Variants in HS1BP3 observed in about 807,000 individuals in gnomAD.
The protein encoded by HS1BP3 is HCLS1 binding protein 3.
HS1BP3 carries 32 observed loss-of-function variants against 33.5 expected under a neutral mutation model. The ratio of observed to expected loss-of-function variants is 0.95; its 90% CI spans 0.72 to 1.28. HS1BP3 has a LOEUF of 1.28. HS1BP3 is among the 50% of genes most tolerant of loss of function. The pLI is 0.00. For missense variants in HS1BP3, 486 were observed against 502.3 expected (o/e 0.97, Z 0.31); for synonymous variants, 187 against 209.2 (o/e 0.89, Z 0.92).
chr2:20,558,248 C>T (rs1692887703), downstream of HS1BP3, among the ~76,000 whole-genome samples: 1 of 152,016 alleles, frequency 6.6e-6, no homozygotes, highest in South Asian at 2.1e-4. Flanking sequence ...TGGGCAGCAA[C>T]GTTGACGGTG....
intron 6 of HS1BP3, among the ~76,000 whole-genome samples, chr2:20,621,718 C>T (rs10166284): frequency 0.012 from 1,814 of 152,374 alleles, 50 homozygotes; most frequent in African/African-American, 0.042. Context: ...GATTAGCCTG[C>T]TTGGCAAAGC....
At chr2:20,627,806 G>A (rs574069093) in intron 4 of HS1BP3, among the ~76,000 whole-genome samples, 2 of 152,244 alleles carry the variant, frequency 1.3e-5, no homozygotes, top group African/African-American at 4.8e-5. Flanking sequence ...AAAGCCCCAG[G>A]GTCCTATCCT....
At chr2:20,646,588 T>C (rs537055379) in intron 1 of HS1BP3, among the ~76,000 whole-genome samples, 12 of 152,350 alleles carry the variant, frequency 7.9e-5, no homozygotes, top group Admixed American at 2.0e-4. Flanking sequence ...ACACAAGGAA[T>C]ATCCTCCCGC....
intron 2 of HS1BP3, among the ~76,000 whole-genome samples, chr2:20,610,428 T>G (rs765889654): frequency 6.6e-6 from 1 of 152,220 alleles, no homozygotes; most frequent in Non-Finnish European, 1.5e-5. Flanking sequence ...CTCTGTGGTT[T>G]TGCTTTTTCC....
At chr2:20,632,872 C>T (rs1046497376) in intron 4 of HS1BP3, among the ~76,000 whole-genome samples, 1 of 152,222 alleles carries the variant, frequency 6.6e-6, no homozygotes, top group Non-Finnish European at 1.5e-5. Flanking sequence ...ATAGTGTGCA[C>T]ATCACAGTGA....
chr2:20,633,097 G>T (rs986691881), intron 4 of HS1BP3, among the ~76,000 whole-genome samples: 43 of 152,190 alleles, frequency 2.8e-4, no homozygotes, highest in African/African-American at 9.9e-4. Context: ...GAAAGAAACA[G>T]GCTTGGAGAA....
chr2:20,559,302 T>C (rs1010227208), downstream of HS1BP3, among the ~76,000 whole-genome samples: 5 of 152,208 alleles, frequency 3.3e-5, no homozygotes, highest in African/African-American at 9.6e-5. Flanking sequence ...CCAGCTCCCA[T>C]GAGGCCCGAT....
At chr2:20,604,226 T>A (rs1390399808) in intron 2 of HS1BP3, among the ~76,000 whole-genome samples, 3 of 152,196 alleles carry the variant, frequency 2.0e-5, no homozygotes, top group Non-Finnish European at 4.4e-5. Flanking sequence ...CTGTTCCCCA[T>A]GGAGCCTAGG....
chr2:20,628,916 G>A (rs76145307), intron 4 of HS1BP3, among the ~76,000 whole-genome samples: 3,248 of 152,278 alleles, frequency 0.021, 131 homozygotes, highest in African/African-American at 0.072. Context: ...TGCAGCAGAC[G>A]TAGTGCCATG....
downstream of HS1BP3, among the ~76,000 whole-genome samples, chr2:20,559,044 G>A (rs1435343441): frequency 6.6e-6 from 1 of 152,218 alleles, no homozygotes; most frequent in African/African-American, 2.4e-5. Flanking sequence ...CGTGAGGAGC[G>A]TGAATGCAGG....
chr2:20,555,079 C>G, the HS1BP3 span, among the ~76,000 whole-genome samples: 1 of 152,230 alleles, frequency 6.6e-6, no homozygotes, highest in Non-Finnish European at 1.5e-5. Context: ...GCAGCGCTAA[C>G]TGTTCTCTGT....
At chr2:20,555,905 TACCTG>T (rs2149267537), downstream of HS1BP3, among the ~76,000 whole-genome samples, 1 of 152,320 alleles carries the variant, frequency 6.6e-6, no homozygotes, top group African/African-American at 2.4e-5. Flanking sequence ...TCTGCATACA[TACCTG>T]ACCACCCATC....
intron 3 of HS1BP3, among the ~76,000 whole-genome samples, chr2:20,595,330 C>T (rs1300469029): frequency 6.6e-6 from 1 of 152,192 alleles, no homozygotes; most frequent in East Asian, 1.9e-4. Context: ...GGATCCTTTT[C>T]TAATTTGTAC....
At chr2:20,572,332 G>A (rs1319564692) in intron 5 of HS1BP3, among the ~76,000 whole-genome samples, 2 of 152,194 alleles carry the variant, frequency 1.3e-5, no homozygotes, top group Non-Finnish European at 2.9e-5. Flanking sequence ...CTCCGTCCCT[G>A]ATGACACAGG....
intron 2 of HS1BP3, among the ~76,000 whole-genome samples, chr2:20,604,874 G>GC (rs1261094021): frequency 6.6e-6 from 1 of 152,070 alleles, no homozygotes; most frequent in Non-Finnish European, 1.5e-5. Flanking sequence ...TGCACTACCT[G>GC]CCCTCCCATC....
intron 2 of HS1BP3, among the ~76,000 whole-genome samples, chr2:20,604,253 T>G (rs933474311): frequency 6.6e-6 from 1 of 152,210 alleles, no homozygotes; most frequent in Non-Finnish European, 1.5e-5. Context: ...TCTAAGAGGC[T>G]GTCTACACTT....
chr2:20,607,357 T>G (rs753730050), intron 2 of HS1BP3, among the ~76,000 whole-genome samples: 3 of 152,180 alleles, frequency 2.0e-5, no homozygotes, highest in Non-Finnish European at 4.4e-5. Flanking sequence ...GGTTTCACCA[T>G]GTTGGCCAGG....
chr2:20,589,388 T>C (rs1225387034), downstream of HS1BP3, among the ~76,000 whole-genome samples: 1 of 152,190 alleles, frequency 6.6e-6, no homozygotes, highest in Non-Finnish European at 1.5e-5. Context: ...CTGTGGAACA[T>C]GACCTAAAGG....
chr2:20,590,810 CT>C (rs1271094492), downstream of HS1BP3: 1 of 166,896 alleles, frequency 6.0e-6, no homozygotes, highest in African/African-American at 2.4e-5. Flanking sequence ...AATTTATTGT[CT>C]CCACTTGGCA....
Sources: gnomAD v4.1 joint callset for allele counts (sites outside exome capture counted in the v4.1 genomes callset) on GRCh38, gnomAD v4.1.1 for gene constraint, MANE v1.5 for transcripts, NCBI Gene and HGNC (gene_info 2026-07-23, HGNC 2026-07-21) for gene names.